The following FAXC variants were observed in gnomAD, a reference collection of about 807,000 sequenced individuals.
FAXC encodes failed axon connections homolog, metaxin like GST domain containing.
FAXC carries 10 observed loss-of-function variants against 41.9 expected under a neutral mutation model. The ratio of observed to expected loss-of-function variants is 0.24; its 90% CI spans 0.15 to 0.41. FAXC has a LOEUF of 0.41. Ranked by LOEUF, FAXC falls within the 10% of genes least tolerant of loss-of-function variation. FAXC has a pLI of 1.00. For synonymous variants in FAXC, 183 were observed against 183.8 expected, an observed-to-expected ratio of 1.00 and a Z score of 0.03; for missense variants, 399 against 510.9, an observed-to-expected ratio of 0.78 and a Z score of 2.11.
intron 5 of FAXC, among the ~76,000 whole-genome samples, chr6:99,282,056 T>C (rs1423190293): frequency 6.6e-6 from 1 of 152,176 alleles, no homozygotes; most frequent in African/African-American, 2.4e-5. Flanking sequence ...GTGAGTGTGC[T>C]GAATGAAATG....
chr6:99,341,256 A>G (rs1358690565), intron 2 of FAXC, among the ~76,000 whole-genome samples: 1 of 152,176 alleles, frequency 6.6e-6, no homozygotes, highest in African/African-American at 2.4e-5. Context: ...AAGGAGAAAA[A>G]TATTAAATAA....
chr6:99,344,988 C>T (rs1403457764), intron 1 of FAXC, among the ~76,000 whole-genome samples: 1 of 152,044 alleles, frequency 6.6e-6, no homozygotes, highest in Non-Finnish European at 1.5e-5. Context: ...GACAATGACA[C>T]TTTAGAATGG....
At chr6:99,332,372 A>G (rs1413692474) in intron 3 of FAXC, among the ~76,000 whole-genome samples, 3 of 152,204 alleles carry the variant, frequency 2.0e-5, no homozygotes, top group Admixed American at 6.5e-5. Context: ...GCCAAAAACA[A>G]TGGGCTTAAC....
intron 4 of FAXC, among the ~76,000 whole-genome samples, chr6:99,315,025 G>C (rs2006308): frequency 0.049 from 7,461 of 151,858 alleles, 539 homozygotes; most frequent in East Asian, 0.38. Flanking sequence ...CCTGAGGTCA[G>C]GAGTTCAAGA....
chr6:99,346,669 G>A lies in FAXC; in HGVS notation c.266+2438C>T, dbSNP rs577280382. ...CCCGCGTCAGCCTCCCAAAGTGCTG[G>A]GATTACAGGCGTAAGCTGCCGCGCG... On this transcript the variant is annotated intron_variant, in intron 1 of 5. Coordinates refer to ENST00000389677, the MANE Select transcript of FAXC (RefSeq NM_032511.4). Among the ~76,000 whole-genome samples the A allele has an allele frequency of 3.6e-4, 55 of 152,194 alleles. 1 individual carries two copies. In the South Asian group the frequency reaches 0.01, roughly 28 times the overall value.
At chr6:99,287,229 A>G (rs1771060795) in intron 5 of FAXC, among the ~76,000 whole-genome samples, 1 of 152,234 alleles carries the variant, frequency 6.6e-6, no homozygotes, top group Admixed American at 6.5e-5. Context: ...AGTTAATTTT[A>G]AAACTTTAGG....
intron 2 of FAXC, among the ~76,000 whole-genome samples, chr6:99,342,292 C>T (rs1422343660): frequency 1.3e-5 from 2 of 152,074 alleles, no homozygotes; most frequent in African/African-American, 2.4e-5. Context: ...GGCAGTGGCA[C>T]ACCCATCTTT....
chr6:99,310,053 G>A (rs778556906), intron 4 of FAXC: 93 of 198,698 alleles, frequency 4.7e-4, no homozygotes, highest in Non-Finnish European at 7.8e-4. Flanking sequence ...ACTCACTCTC[G>A]GAGCTGTTTT....
At chr6:99,283,343 A>G (rs941461594) in intron 5 of FAXC, among the ~76,000 whole-genome samples, 2 of 152,208 alleles carry the variant, frequency 1.3e-5, no homozygotes, top group African/African-American at 4.8e-5. Context: ...TTATTATTAC[A>G]TATTATCTCC....
chr6:99,344,232 G>T (rs1039437726), intron 1 of FAXC, among the ~76,000 whole-genome samples: 3 of 152,106 alleles, frequency 2.0e-5, no homozygotes, highest in African/African-American at 7.2e-5. Context: ...CATCCAAAGA[G>T]ATATGGTCTC....
intron 3 of FAXC, among the ~76,000 whole-genome samples, chr6:99,329,005 T>C (rs1410930925): frequency 6.6e-6 from 1 of 152,194 alleles, no homozygotes; most frequent in Non-Finnish European, 1.5e-5. Context: ...GAGATGTGCC[T>C]ACGGAAAATG....
intron 3 of FAXC, 148 bp downstream of exon 3, chr6:99,333,203 G>A: frequency 1.5e-6 from 1 of 648,902 alleles, no homozygotes; most frequent in Non-Finnish European, 2.5e-6. Flanking sequence ...AAACTTCACA[G>A]TCATAATAAC....
chr6:99,278,373 T>A lies in FAXC; in HGVS notation c.*2791A>T, dbSNP rs1309466639. On this transcript the variant is annotated 3_prime_UTR_variant, in exon 6 of 6. Coordinates refer to ENST00000389677, the MANE Select transcript of FAXC (RefSeq NM_032511.4). ...CAGGAAAAAAAGAACGAATAGCCTA[T>A]GGGTCTGTTGTCCAACCAAAAGCAT... The A allele has an allele frequency of 6.6e-6, 1 of 152,222 alleles. No homozygotes were observed. The highest frequency in any genetic ancestry group is 1.5e-5 in the Non-Finnish European group (1 of 68,042). 9.4% of individuals were successfully genotyped at this position (152,222 alleles called of 1,614,324 possible).
chr6:99,295,687 A>C (rs1459256884), intron 4 of FAXC, among the ~76,000 whole-genome samples: 1 of 152,196 alleles, frequency 6.6e-6, no homozygotes, highest in Non-Finnish European at 1.5e-5. Flanking sequence ...AAGAATCCTG[A>C]CTAATACACC....
At chr6:99,329,180 T>C (rs1481226258) in intron 3 of FAXC, among the ~76,000 whole-genome samples, 1 of 152,222 alleles carries the variant, frequency 6.6e-6, no homozygotes, top group African/African-American at 2.4e-5. Context: ...TGAGGATCTA[T>C]TTCAAGAAGT....
At chr6:99,287,377 C>A (rs1771065971) in intron 5 of FAXC, among the ~76,000 whole-genome samples, 1 of 151,962 alleles carries the variant, frequency 6.6e-6, no homozygotes, top group African/African-American at 2.4e-5. Flanking sequence ...ATTTTTTATT[C>A]TTTTAAAACT....
intron 5 of FAXC, among the ~76,000 whole-genome samples, chr6:99,281,943 C>T (rs221541): frequency 0.88 from 133,334 of 152,270 alleles, 58,835 homozygotes; most frequent in East Asian, 1. Context: ...ACTGGAATAA[C>T]GGGGAAGGTA....
chr6:99,333,828 TG>T (rs1471455883), intron 2 of FAXC, among the ~76,000 whole-genome samples: 1 of 151,884 alleles, frequency 6.6e-6, no homozygotes, highest in Non-Finnish European at 1.5e-5. Flanking sequence ...CAAGGGATGA[TG>T]GGGGTAAGGG....
At chr6:99,340,813 T>A (rs989976013) in intron 2 of FAXC, among the ~76,000 whole-genome samples, 1 of 151,562 alleles carries the variant, frequency 6.6e-6, no homozygotes, top group South Asian at 2.1e-4. Flanking sequence ...GGATTACAGG[T>A]ACACACCACC....
Sources: gnomAD v4.1 joint callset for allele counts (sites outside exome capture counted in the v4.1 genomes callset) on GRCh38, gnomAD v4.1.1 for gene constraint, MANE v1.5 for transcripts, NCBI Gene and HGNC (gene_info 2026-07-23, HGNC 2026-07-21) for gene names.